Variants in MALRD1 observed in about 807,000 individuals in gnomAD.
MALRD1 encodes MAM and LDL-receptor class A domain-containing protein 1.
In MALRD1, 247 loss-of-function variants were observed where a neutral mutation model predicts 242.1. That is an observed-to-expected ratio of 1.02 (90% CI 0.92 to 1.13). The LOEUF is 1.13. Among genes scored for constraint, MALRD1 ranks in the 50% most tolerant of loss-of-function variants. The probability of loss-of-function intolerance (pLI) is 0.00; values close to 1 mark genes in which losing one functional copy is unlikely to be tolerated. For synonymous variants in MALRD1, 995 were observed against 866.6 expected (o/e 1.15, Z -2.60); for missense variants, 2,989 against 2,533.1 (o/e 1.18, Z -3.86).
intron 10 of MALRD1, among the ~76,000 whole-genome samples, chr10:19,142,789 C>T (rs1003881043): frequency 6.6e-6 from 1 of 152,114 alleles, no homozygotes; most frequent in African/African-American, 2.4e-5. Flanking sequence ...TTAATAATTG[C>T]CAGAATGCAT....
intron 29 of MALRD1, among the ~76,000 whole-genome samples, chr10:19,490,691 C>A (rs565440162): frequency 6.6e-6 from 1 of 150,924 alleles, no homozygotes; most frequent in Non-Finnish European, 1.5e-5. Context: ...CAGATCATCA[C>A]GCAAAAGACA....
At chr10:19,111,090 C>T (rs992465257) in intron 5 of MALRD1, among the ~76,000 whole-genome samples, 2 of 152,094 alleles carry the variant, frequency 1.3e-5, no homozygotes, top group Admixed American at 1.3e-4. Flanking sequence ...GAACCAAAGC[C>T]ATTTCCCTAC....
At chr10:19,353,506 G>A (rs912346258) in intron 26 of MALRD1, among the ~76,000 whole-genome samples, 2 of 152,194 alleles carry the variant, frequency 1.3e-5, no homozygotes, top group African/African-American at 4.8e-5. Flanking sequence ...TTCAAAGCAA[G>A]TATTTTCATT....
intron 2 of MALRD1, among the ~76,000 whole-genome samples, chr10:19,075,243 G>A (rs935806230): frequency 1.3e-4 from 20 of 151,986 alleles, no homozygotes; most frequent in Middle Eastern, 3.4e-3. Context: ...ATCTGCCCCC[G>A]TCCCCAATTT....
intron 4 of MALRD1, among the ~76,000 whole-genome samples, chr10:19,095,258 A>T (rs1835983284): frequency 6.6e-6 from 1 of 152,300 alleles, no homozygotes; most frequent in South Asian, 2.1e-4. Flanking sequence ...GGAATGGCAT[A>T]GTTTCTTAAT....
At chr10:19,273,378 C>G (rs1383988862) in intron 19 of MALRD1, among the ~76,000 whole-genome samples, 1 of 152,148 alleles carries the variant, frequency 6.6e-6, no homozygotes, top group Non-Finnish European at 1.5e-5. Flanking sequence ...ATCCAGCAAT[C>G]AAGTGCTTTA....
chr10:19,450,523 C>T (rs1835265275), intron 29 of MALRD1, 33 bp downstream of exon 29: 2 of 1,516,922 alleles, frequency 1.3e-6, no homozygotes, highest in African/African-American at 2.8e-5. Context: ...CATTTGGAAG[C>T]ACATTTTTAA....
intron 2 of MALRD1, among the ~76,000 whole-genome samples, chr10:19,086,075 G>A (rs1835659541): frequency 6.6e-6 from 1 of 151,954 alleles, no homozygotes; most frequent in Non-Finnish European, 1.5e-5. Flanking sequence ...CATCTAAATT[G>A]TGTTTACATA....
chr10:19,552,315 C>T (rs926753262), intron 32 of MALRD1, among the ~76,000 whole-genome samples: 1 of 151,788 alleles, frequency 6.6e-6, no homozygotes, highest in African/African-American at 2.4e-5. Flanking sequence ...TGTATATGTC[C>T]AGAAATTTAT....
rs556221422 is a variant in MALRD1, at chr10:19,467,158, T to C, written c.5029+16668T>C. ...TCATGAGGTCAGGAAATCAAGACCA[T>C]TGTGGCTAACTTGGTGAAATCCCAT... On this transcript the variant is annotated intron_variant, in intron 29 of 39. Transcript: ENST00000454679. 5.3e-5 allele frequency among the ~76,000 whole-genome samples: 8 copies of C among 151,978 alleles called. No individual in the cohort carries two copies. In the South Asian group the frequency reaches 1.7e-3, roughly 32 times the overall value.
chr10:19,099,761 A>ATTT (rs71767071), intron 4 of MALRD1, among the ~76,000 whole-genome samples: 184 of 104,934 alleles, frequency 1.8e-3, no homozygotes, highest in African/African-American at 5.6e-3. Context: ...ATATATATAT[A>ATTT]TATTTTTTTT....
chr10:19,451,988 G>C (rs1032188515), intron 29 of MALRD1, among the ~76,000 whole-genome samples: 1 of 152,184 alleles, frequency 6.6e-6, no homozygotes, highest in African/African-American at 2.4e-5. Context: ...TTTTGCACAT[G>C]TATTTGTGTA....
intron 36 of MALRD1, among the ~76,000 whole-genome samples, chr10:19,641,909 C>T (rs568880913): frequency 1.3e-5 from 2 of 152,104 alleles, no homozygotes; most frequent in South Asian, 4.2e-4. Context: ...AAACTCTGTC[C>T]TTTTATTATT....
At chr10:19,397,166 C>T (rs1477386508) in intron 28 of MALRD1, among the ~76,000 whole-genome samples, 1 of 152,076 alleles carries the variant, frequency 6.6e-6, no homozygotes, top group African/African-American at 2.4e-5. Context: ...ATATTCACCT[C>T]ACTGTGCAAA....
At chr10:19,727,567 G>A (rs976948187) in intron 38 of MALRD1, among the ~76,000 whole-genome samples, 5 of 152,002 alleles carry the variant, frequency 3.3e-5, no homozygotes, top group African/African-American at 7.2e-5. Context: ...GCATGATAAG[G>A]GAGAAAAACT....
chr10:19,290,227 T>G (rs1411127117), intron 21 of MALRD1: 2 of 152,326 alleles, frequency 1.3e-5, no homozygotes, highest in Admixed American at 1.3e-4. Context: ...GTGATATAAA[T>G]TTAAGATTGC....
chr10:19,080,083 G>C (rs922823970), intron 2 of MALRD1, among the ~76,000 whole-genome samples: 2 of 151,944 alleles, frequency 1.3e-5, no homozygotes, highest in African/African-American at 4.8e-5. Flanking sequence ...ACCTCTTCAA[G>C]GAGAGCTACA....
chr10:19,270,641 C>T (rs1036480733), intron 19 of MALRD1, among the ~76,000 whole-genome samples: 3 of 152,008 alleles, frequency 2.0e-5, no homozygotes, highest in Non-Finnish European at 4.4e-5. Flanking sequence ...CCAGAAGTGA[C>T]TGAATTGCAA....
At chr10:19,639,516 T>G (rs1175817073) in intron 36 of MALRD1, among the ~76,000 whole-genome samples, 1 of 152,226 alleles carries the variant, frequency 6.6e-6, no homozygotes. Context: ...AATCGGAGTT[T>G]CACTCTGCAC....
Sources: allele counts gnomAD v4.1 joint callset (sites outside exome capture counted in the v4.1 genomes callset), GRCh38; gene constraint gnomAD v4.1.1; transcripts MANE v1.5; gene names NCBI Gene and HGNC (gene_info 2026-07-23, HGNC 2026-07-21).